The following MSRA variants were observed in gnomAD, a reference collection of about 807,000 sequenced individuals.
The protein encoded by MSRA is methionine sulfoxide reductase A.
Under a neutral mutation model 31.3 loss-of-function variants are expected in MSRA, and 54 were observed. That is an observed-to-expected ratio of 1.73 (90% CI 1.39 to 2.17). The LOEUF (loss-of-function observed/expected upper bound fraction) is 2.17, where lower values mean the gene tolerates loss of function less well. Ranked by LOEUF, MSRA falls within the 30% of genes most tolerant of loss-of-function variation. The pLI is 0.00. For missense variants in MSRA, 507 were observed against 300.9 expected, an observed-to-expected ratio of 1.69 and a Z score of -5.07; for synonymous variants, 169 against 116.5, an observed-to-expected ratio of 1.45 and a Z score of -2.90.
intron 3 of MSRA, among the ~76,000 whole-genome samples, chr8:10,256,860 G>C (rs1285100953): frequency 1.3e-5 from 2 of 152,128 alleles, no homozygotes; most frequent in Admixed American, 6.5e-5. Context: ...GGAGGACCTT[G>C]GGCTTCATCT....
intron 5 of MSRA, among the ~76,000 whole-genome samples, chr8:10,339,771 G>A (rs1487745549): frequency 6.9e-6 from 1 of 145,806 alleles, no homozygotes; most frequent in African/African-American, 2.5e-5. Flanking sequence ...TCAATCTCCT[G>A]ACCTCGTGAT....
chr8:10,093,425 T>A (rs1228393198), intron 1 of MSRA, among the ~76,000 whole-genome samples: 1 of 152,182 alleles, frequency 6.6e-6, no homozygotes, highest in Non-Finnish European at 1.5e-5. Context: ...AATACCAATG[T>A]AATAATATAC....
intron 2 of MSRA, among the ~76,000 whole-genome samples, chr8:10,210,708 G>C (rs1358232851): frequency 6.6e-6 from 1 of 151,658 alleles, no homozygotes. Flanking sequence ...CATATTTTGT[G>C]ATAAAATAGT....
chr8:10,279,744 C>G (rs908542748), intron 3 of MSRA, among the ~76,000 whole-genome samples: 1 of 152,180 alleles, frequency 6.6e-6, no homozygotes, highest in Non-Finnish European at 1.5e-5. Flanking sequence ...CTGAATGTAG[C>G]GTCCATGCTG....
chr8:10,067,947 G>A (rs373936875), intron 1 of MSRA, among the ~76,000 whole-genome samples: 5 of 126,136 alleles, frequency 4.0e-5, no homozygotes, highest in East Asian at 5.4e-4. Context: ...GCAGTGGTGC[G>A]ATCTTGGCTC....
At chr8:10,382,403 C>T (rs770202500) in intron 5 of MSRA, among the ~76,000 whole-genome samples, 1 of 152,226 alleles carries the variant, frequency 6.6e-6, no homozygotes, top group Admixed American at 6.5e-5. Context: ...CACCTGTACC[C>T]AGAGTCGCCC....
At chr8:10,212,357 G>A (rs117956735) in intron 2 of MSRA, among the ~76,000 whole-genome samples, 6,306 of 152,158 alleles carry the variant, frequency 0.041, 190 homozygotes, top group Non-Finnish European at 0.059. Context: ...CCCCTTTAAC[G>A]AGGTTGTATA....
chr8:10,391,922 T>G (rs926239536), intron 5 of MSRA, among the ~76,000 whole-genome samples: 1 of 152,220 alleles, frequency 6.6e-6, no homozygotes, highest in Non-Finnish European at 1.5e-5. Flanking sequence ...CCTATGGAAG[T>G]GTCAGAAACA....
intron 1 of MSRA, among the ~76,000 whole-genome samples, chr8:10,189,543 G>A (rs557742701): frequency 1.3e-5 from 2 of 152,242 alleles, no homozygotes; most frequent in African/African-American, 2.4e-5. Flanking sequence ...TTTAAACACA[G>A]GTAGGTATTG....
chr8:10,159,303 TG>T (rs1173840468), intron 1 of MSRA, among the ~76,000 whole-genome samples: 5 of 152,116 alleles, frequency 3.3e-5, no homozygotes, highest in African/African-American at 1.2e-4. Flanking sequence ...TGGAGAGTGG[TG>T]TGTGCAGATC....
chr8:10,426,185 C>T (rs1809150312), intron 5 of MSRA, among the ~76,000 whole-genome samples: 2 of 152,178 alleles, frequency 1.3e-5, no homozygotes, highest in South Asian at 2.1e-4. Context: ...TAGCCAACCC[C>T]ACGTGCTCAT....
chr8:10,168,344 C>T (rs1805319884), intron 1 of MSRA, among the ~76,000 whole-genome samples: 1 of 152,140 alleles, frequency 6.6e-6, no homozygotes, highest in Non-Finnish European at 1.5e-5. Context: ...ACTGTATTAT[C>T]CTGGTCTTCC....
At chr8:10,401,496 C>G (rs547371648) in intron 5 of MSRA, among the ~76,000 whole-genome samples, 1 of 152,322 alleles carries the variant, frequency 6.6e-6, no homozygotes, top group South Asian at 2.1e-4. Context: ...ACTGTGGAAA[C>G]AGTTAGACAG....
intron 1 of MSRA, among the ~76,000 whole-genome samples, chr8:10,149,684 G>A (rs1803490179): frequency 6.6e-6 from 1 of 151,794 alleles, no homozygotes; most frequent in Admixed American, 6.6e-5. Context: ...CATTTGTAGT[G>A]GTGGTATGGA....
intron 1 of MSRA, among the ~76,000 whole-genome samples, chr8:10,063,782 C>G (rs1317392024): frequency 1.3e-5 from 2 of 152,214 alleles, no homozygotes; most frequent in East Asian, 3.8e-4. Flanking sequence ...GACTTCCAGT[C>G]TCCAGTATTG....
At chr8:10,351,771 C>T (rs73195306) in intron 5 of MSRA, among the ~76,000 whole-genome samples, 4,474 of 152,290 alleles carry the variant, frequency 0.029, 108 homozygotes, top group Non-Finnish European at 0.051. Flanking sequence ...CTTTCATGTT[C>T]ACCGAAGTCA....
intron 3 of MSRA, among the ~76,000 whole-genome samples, chr8:10,278,801 T>A (rs557406251): frequency 6.6e-6 from 1 of 152,340 alleles, no homozygotes; most frequent in East Asian, 1.9e-4. Context: ...TTTTAGACAG[T>A]CTTTTAAAGT....
chr8:10,063,562 C>G (rs552300689), intron 1 of MSRA, among the ~76,000 whole-genome samples: 2 of 152,152 alleles, frequency 1.3e-5, no homozygotes, highest in South Asian at 2.1e-4. Context: ...CTCACCCCCC[C>G]AGGTGATGGG....
At chr8:10,261,617 A>C (rs2975682) in intron 3 of MSRA, among the ~76,000 whole-genome samples, 47 of 152,170 alleles carry the variant, frequency 3.1e-4, no homozygotes, top group African/African-American at 1.1e-3. Flanking sequence ...ACAGAGTTCC[A>C]ATGTTACCGC....
Sources: gnomAD v4.1 joint callset for allele counts (sites outside exome capture counted in the v4.1 genomes callset) on GRCh38, gnomAD v4.1.1 for gene constraint, MANE v1.5 for transcripts, NCBI Gene and HGNC (gene_info 2026-07-23, HGNC 2026-07-21) for gene names.